LOXHD1: variants seen among roughly 807,000 people sequenced by gnomAD.
LOXHD1 encodes lipoxygenase homology domain-containing protein 1.
In LOXHD1, 205 loss-of-function variants were observed where a neutral mutation model predicts 248.2. That is an observed-to-expected ratio of 0.83 (90% CI 0.74 to 0.93). The LOEUF is 0.93. LOXHD1 is among the 40% of genes least tolerant of loss of function. LOXHD1 has a pLI of 0.00. For synonymous variants in LOXHD1, 1,113 were observed against 1,162.8 expected (o/e 0.96, Z 0.87); for missense variants, 2,930 against 2,971.6 (o/e 0.99, Z 0.33).
chr18:46,537,613 C>T (rs1180412286), intron 26 of LOXHD1, among the ~76,000 whole-genome samples: 1 of 152,184 alleles, frequency 6.6e-6, no homozygotes, highest in African/African-American at 2.4e-5. Flanking sequence ...GATTCCAAGG[C>T]ATTATGACCT....
rs368683058 is a variant in LOXHD1, at chr18:46,579,651, T to C, written c.1788A>G (p.Thr596=). Residue 596 remains threonine (T), a synonymous_variant, in exon 13 of 41, where the codon ACA becomes ACG. Coordinates refer to ENST00000642948, the MANE Select transcript of LOXHD1 (RefSeq NM_001384474.1). ...TTACATTGCCCTTTTCAAACAGGTC[T>C]GTGTTATTCCTGCAGTTGTAGAGCA... ...ERLLYNCRNN[T]DLFEKGNADE... The C allele has an allele frequency of 1.9e-5, 30 of 1,551,582 alleles. No homozygotes were observed. In the African/African-American group the frequency reaches 3.3e-4, roughly 17 times the overall value.
At chr18:46,549,690 GA>G (rs1362361193) in intron 21 of LOXHD1, among the ~76,000 whole-genome samples, 15 of 151,764 alleles carry the variant, frequency 9.9e-5, no homozygotes, top group African/African-American at 3.6e-4. Context: ...AAATTTAAGG[GA>G]AAAAAATTTA....
At chr18:46,572,900 G>A (rs1287311341) in intron 14 of LOXHD1, among the ~76,000 whole-genome samples, 1 of 151,762 alleles carries the variant, frequency 6.6e-6, no homozygotes, top group African/African-American at 2.4e-5. Flanking sequence ...GTGGGCGCCT[G>A]TAGTCCCAGC....
intron 10 of LOXHD1, 94 bp from the exon 11 acceptor site, chr18:46,592,678 G>A (rs1411656904): frequency 9.5e-7 from 1 of 1,048,022 alleles, no homozygotes; most frequent in Non-Finnish European, 1.4e-6. Context: ...ACCTGCTTTG[G>A]GCTCTTTCTT....
intron 37 of LOXHD1, among the ~76,000 whole-genome samples, chr18:46,494,469 T>G (rs2033700629): frequency 6.6e-6 from 1 of 152,214 alleles, no homozygotes; most frequent in Non-Finnish European, 1.5e-5. Flanking sequence ...AACTCACATT[T>G]CTTCAGTAAG....
intron 3 of LOXHD1, among the ~76,000 whole-genome samples, chr18:46,640,813 A>G (rs965768245): frequency 2.6e-5 from 4 of 152,156 alleles, no homozygotes; most frequent in Admixed American, 2.0e-4. Flanking sequence ...AACACTTCCC[A>G]TAGCCCCCTC....
intron 4 of LOXHD1, among the ~76,000 whole-genome samples, chr18:46,634,061 A>T (rs2038861298): frequency 6.6e-6 from 1 of 152,238 alleles, no homozygotes. Flanking sequence ...TACATATAAT[A>T]CCCAGCAAAT....
intron 21 of LOXHD1, among the ~76,000 whole-genome samples, chr18:46,548,174 T>C (rs2036929751): frequency 6.9e-6 from 1 of 145,646 alleles, no homozygotes; most frequent in African/African-American, 2.6e-5. Context: ...CTCTGGGTGC[T>C]AAGCTCCCAG....
chr18:46,577,667 C>T (rs1245664135), intron 14 of LOXHD1, 40 bp downstream of exon 14: 10 of 1,539,036 alleles, frequency 6.5e-6, no homozygotes, highest in South Asian at 2.4e-5. Context: ...GGGATCATAA[C>T]CTAAGCTGGA....
At chr18:46,569,362 A>G in intron 16 of LOXHD1, 80 bp downstream of exon 16, 1 of 1,195,308 alleles carries the variant, frequency 8.4e-7, no homozygotes, top group Non-Finnish European at 1.2e-6. Context: ...GTGTGTGGAC[A>G]TATGTGTGTG....
In LOXHD1 at chr18:46,518,197, GT is replaced by G. The variant is rs776345911; in HGVS notation, c.5330del (p.Asn1777ThrfsTer4). On this transcript the variant is annotated frameshift_variant, in exon 34 of 41. Coordinates refer to ENST00000642948, the MANE Select transcript of LOXHD1 (RefSeq NM_001384474.1). LOFTEE classifies it high-confidence loss of function. ...TGATGCCGTAGAGGGTCATGAAGAT[GT>G]TGGAGTCAGTGCCCCCGCCAACCAC... ...GDVVGGGTDSNIFMTLYGING... is the reference protein window; with the variant it reads ...GDVVGGGTDSXIFMTLYGING... 1.6e-5 allele frequency: 25 copies of G among 1,551,570 alleles called. No individual in the cohort carries two copies. Among genetic ancestry groups the G allele is most frequent in the Non-Finnish European group, 2.0e-5 (23 of 1,146,990 alleles).
At position 46,579,499 on chromosome 18, in the gene LOXHD1, A is replaced by G. The variant is rs938142092; in HGVS notation, c.1809+131T>C. The G allele has an allele frequency of 4.8e-6, 6 of 1,239,370 alleles. No individual in the cohort carries two copies. The African/African-American group carries it at 9.0e-5, about 19-fold the overall frequency. 76.8% of individuals were successfully genotyped at this position (1,239,370 alleles called of 1,614,324 possible). ...TCCCCAGTTCCCCGCCCCCTTACCC[A>G]GAGTGAGGCTCCTGATGGCTGAGGC... On this transcript the variant is annotated intron_variant, in intron 13 of 40. Transcript: ENST00000642948.
rs559986298 is a variant in LOXHD1, at chr18:46,611,183, G to T, written c.611-259C>A. Among the ~76,000 whole-genome samples, 16 of 152,196 alleles carry T rather than the reference G, an allele frequency of 1.1e-4. No homozygotes were observed. In the South Asian group the frequency reaches 3.1e-3, roughly 30 times the overall value. On this transcript the variant is annotated intron_variant, in intron 5 of 40. Transcript: ENST00000642948. ...AGTCCCGATCCTACTAAACCGATTT[G>T]TACCCCCATCTCTAGATCTAGGACC...
rs1485463538 is a variant in LOXHD1, at chr18:46,579,789, C to A, written c.1655-5G>T. The stretch of plus-strand genomic sequence containing the variant: ...CAGTCACATGGTACCGGGCCACTGG[C>A]AGGCAGAGAGAGGGACATCATTGCT... On this transcript the variant is annotated splice_region_variant and splice_polypyrimidine_tract_variant and intron_variant, in intron 12 of 40. Coordinates refer to ENST00000642948, the MANE Select transcript of LOXHD1 (RefSeq NM_001384474.1). The A allele has an allele frequency of 6.4e-7, 1 of 1,550,602 alleles. No individual in the cohort carries two copies. Among genetic ancestry groups the A allele is most frequent in the Admixed American group, 2.0e-5 (1 of 50,960 alleles).
chr18:46,542,639 A>C (rs907712910), intron 24 of LOXHD1, 88 bp downstream of exon 24: 93 of 1,490,920 alleles, frequency 6.2e-5, no homozygotes, highest in Middle Eastern at 2.3e-4. Context: ...ATGGCATTCA[A>C]ATTTCCAGAA....
At chr18:46,562,713 G>A (rs985199738) in intron 18 of LOXHD1, among the ~76,000 whole-genome samples, 6 of 152,112 alleles carry the variant, frequency 3.9e-5, no homozygotes, top group Non-Finnish European at 4.4e-5. Flanking sequence ...TCTCAGGGTC[G>A]GCAGCATGTT....
At position 46,485,067 on chromosome 18, in the gene LOXHD1, G is replaced by A. The variant is rs1394606162; in HGVS notation, c.6134C>T (p.Ser2045Phe). Residue 2045 changes from serine to phenylalanine, a missense_variant, in exon 39 of 41, where the codon TCC (serine) becomes TTC (phenylalanine). Physicochemically the swap from Ser to Phe is radical, Grantham distance 155. Coordinates refer to ENST00000642948, the MANE Select transcript of LOXHD1 (RefSeq NM_001384474.1). ...AGAATTTTCCATGAGAAACTCTTTG[G>A]ATCGGTTCTTCCTGCCCTCCAGGAT... Reference protein sequence around the residue: ...WLILEGRKNRSKEFLMENSSR... With the variant: ...WLILEGRKNRFKEFLMENSSR... 1 of 1,550,786 alleles carries A rather than the reference G, an allele frequency of 6.4e-7. No individual in the cohort carries two copies. Among genetic ancestry groups the A allele is most frequent in the Non-Finnish European group, 8.7e-7 (1 of 1,146,758 alleles).
At chr18:46,518,819 C>T (rs910972021) in intron 33 of LOXHD1, 15 of 954,112 alleles carry the variant, frequency 1.6e-5, no homozygotes, top group Non-Finnish European at 1.9e-5. Flanking sequence ...CCCCTTCATG[C>T]CACAGCCTGC....
In LOXHD1 at chr18:46,657,027, G is replaced by A. The variant is rs745840544; in HGVS notation, c.7C>T (p.Pro3Ser). 1 of 1,551,630 alleles carries A rather than the reference G, an allele frequency of 6.4e-7. No individual in the cohort carries two copies. Among genetic ancestry groups the A allele is most frequent in the East Asian group, 2.4e-5 (1 of 40,902 alleles). The change falls in exon 1 of 41, where the codon CCC becomes TCC. Residue 3 changes from proline (P) to serine (S), a missense_variant. Physicochemically the swap from Pro to Ser is moderately conservative, Grantham distance 74. Coordinates refer to ENST00000642948, the MANE Select transcript of LOXHD1 (RefSeq NM_001384474.1). The part of the protein sequence containing the change: MM[P>S]QKKRRRKKDI... ...TTCTTCCTCCGCCTTTTCTTCTGGG[G>A]CATCATTCTGTCGGCTGCCTTCTCC...
Sources: gnomAD v4.1 joint callset for allele counts (sites outside exome capture counted in the v4.1 genomes callset) on GRCh38, gnomAD v4.1.1 for gene constraint, MANE v1.5 for transcripts, NCBI Gene and HGNC (gene_info 2026-07-23, HGNC 2026-07-21) for gene names.